AGO3: variants seen among roughly 807,000 people sequenced by gnomAD.
AGO3 encodes the protein argonaute RISC catalytic component 3.
A neutral mutation model predicts 105.5 loss-of-function variants in AGO3; 16 were observed. That is an observed-to-expected ratio of 0.15 (90% CI 0.10 to 0.23). AGO3 has a LOEUF of 0.23. Among genes scored for constraint, AGO3 ranks in the 10% least tolerant of loss-of-function variants. AGO3 has a pLI of 1.00. For synonymous variants in AGO3, 340 were observed against 367.3 expected (o/e 0.93, Z 0.85); for missense variants, 534 against 1,088.0 (o/e 0.49, Z 7.16).
chr1:36,023,437 A>T (rs1227527484), intron 11 of AGO3, among the ~76,000 whole-genome samples: 1 of 152,254 alleles, frequency 6.6e-6, no homozygotes, highest in Non-Finnish European at 1.5e-5. Context: ...TTCACAAATC[A>T]GGCAGCCCTT....
chr1:35,968,028 C>T (rs912007036), intron 3 of AGO3, among the ~76,000 whole-genome samples: 2 of 152,104 alleles, frequency 1.3e-5, no homozygotes, highest in Admixed American at 6.6e-5. Context: ...TTGTCTGATA[C>T]TTCCCCTTGA....
rs1028281289 is a variant in AGO3, at chr1:35,963,761, G to A, written c.192-3194G>A. Among the ~76,000 whole-genome samples, 3 of 152,096 alleles carry A rather than the reference G, an allele frequency of 2.0e-5. No homozygotes were observed. The South Asian group carries it at 6.2e-4, about 31-fold the overall frequency. The stretch of plus-strand genomic sequence containing the variant: ...CTTTTCTTTAGGATTGTGGTAATCG[G>A]GAATGGAAAGTAAAGGACTAGTATA... On this transcript the variant is annotated intron_variant, in intron 2 of 18. Coordinates refer to ENST00000373191, the MANE Select transcript of AGO3 (RefSeq NM_024852.4).
rs1201033390 is a variant in AGO3, at chr1:36,062,414, A to C, written c.*6669A>C. The C allele has an allele frequency of 6.6e-6, 1 of 152,192 alleles. No homozygotes were observed. Among genetic ancestry groups the C allele is most frequent in the Non-Finnish European group, 1.5e-5 (1 of 68,028 alleles). 9.4% of individuals were successfully genotyped at this position (152,192 alleles called of 1,614,324 possible). ...AGCTTAAGTGAGAAAGCAAAATGATAATCTCTATTGTTAGAGAAATTTTCT... is the reference window on the plus strand; with the variant it reads ...AGCTTAAGTGAGAAAGCAAAATGATCATCTCTATTGTTAGAGAAATTTTCT... On this transcript the variant is annotated 3_prime_UTR_variant, in exon 19 of 19. Coordinates refer to ENST00000373191, the MANE Select transcript of AGO3 (RefSeq NM_024852.4).
At chr1:36,029,463 C>T (rs1469540004) in intron 12 of AGO3, among the ~76,000 whole-genome samples, 8 of 144,830 alleles carry the variant, frequency 5.5e-5, no homozygotes, top group African/African-American at 7.7e-5. Context: ...GGTGCGATCT[C>T]GGCTCACTGC....
chr1:36,003,065 C>T (rs1015941524), intron 5 of AGO3, among the ~76,000 whole-genome samples: 12 of 151,290 alleles, frequency 7.9e-5, no homozygotes, highest in African/African-American at 2.4e-4. Context: ...AGTGAGACTC[C>T]GTCTAAAAAA....
At chr1:36,043,374 C>T in intron 16 of AGO3, 73 bp from the exon 17 acceptor site, 1 of 1,205,146 alleles carries the variant, frequency 8.3e-7, no homozygotes, top group Non-Finnish European at 1.2e-6. Context: ...TGTATTCATA[C>T]ATTTTTTAAA....
intron 5 of AGO3, among the ~76,000 whole-genome samples, chr1:35,987,941 A>G (rs1379012083): frequency 6.6e-6 from 1 of 151,226 alleles, no homozygotes; most frequent in Admixed American, 6.6e-5. Flanking sequence ...GGTGGCGCAC[A>G]CCTGTAATCC....
chr1:36,025,302 A>C (rs939841469), intron 11 of AGO3, among the ~76,000 whole-genome samples: 1 of 151,908 alleles, frequency 6.6e-6, no homozygotes, highest in Non-Finnish European at 1.5e-5. Flanking sequence ...ATGATCACTT[A>C]ATGTATTTTT....
chr1:36,048,009 C>T (rs1642549653), intron 17 of AGO3, among the ~76,000 whole-genome samples: 1 of 152,118 alleles, frequency 6.6e-6, no homozygotes, highest in Non-Finnish European at 1.5e-5. Context: ...ACATTGTAGT[C>T]AAATTGTCAA....
intron 5 of AGO3, among the ~76,000 whole-genome samples, chr1:36,001,588 G>C (rs1448157139): frequency 6.6e-6 from 1 of 152,124 alleles, no homozygotes; most frequent in Non-Finnish European, 1.5e-5. Context: ...AACATAGTGT[G>C]CAGCAATTAA....
In AGO3 at chr1:36,068,169, AATAG is replaced by A. The variant is rs1428510842; in HGVS notation, c.*12430_*12433del. ...TAAAAGAGGGGAAGGATAAAACAAAAATAGATAGAATGATGATTATTACAATGTA... is the reference window on the plus strand; with the variant it reads ...TAAAAGAGGGGAAGGATAAAACAAAAATAGAATGATGATTATTACAATGTA... On this transcript the variant is annotated 3_prime_UTR_variant, in exon 19 of 19. Coordinates refer to ENST00000373191, the MANE Select transcript of AGO3 (RefSeq NM_024852.4). 1.2e-4 allele frequency: 18 copies of A among 152,222 alleles called. No homozygotes were observed. Among genetic ancestry groups the A allele is most frequent in the African/African-American group, 2.9e-4 (12 of 41,470 alleles). 9.4% of individuals were successfully genotyped at this position (152,222 alleles called of 1,614,324 possible).
chr1:35,994,345 CATG>C (rs766689631), intron 5 of AGO3, among the ~76,000 whole-genome samples: 16 of 152,206 alleles, frequency 1.1e-4, no homozygotes, highest in Non-Finnish European at 2.4e-4. Context: ...TAAACATTCT[CATG>C]ATAAAAATTT....
At chr1:36,050,192 A>G (rs1367051218) in intron 17 of AGO3, among the ~76,000 whole-genome samples, 2 of 152,232 alleles carry the variant, frequency 1.3e-5, no homozygotes. Flanking sequence ...ACAAATTTAA[A>G]ATAATGGAGG....
At chr1:35,960,445 A>C (rs950521169) in intron 2 of AGO3, among the ~76,000 whole-genome samples, 80 of 152,164 alleles carry the variant, frequency 5.3e-4, no homozygotes, top group African/African-American at 1.9e-3. Context: ...ACATCACTGC[A>C]CTCAAGTCTG....
chr1:36,021,451 T>A (rs904171320), intron 11 of AGO3, among the ~76,000 whole-genome samples: 2 of 152,138 alleles, frequency 1.3e-5, no homozygotes, highest in African/African-American at 4.8e-5. Context: ...ATTTTCATAA[T>A]CTTATACAAT....
rs756227833 is a variant in AGO3 at position 36,034,199 on chromosome 1, A to C, written c.1617A>C (p.Thr539=). 6.3e-7 allele frequency: 1 copy of C among 1,587,118 alleles called. No individual in the cohort carries two copies. The highest frequency in any genetic ancestry group is 1.8e-5 in the Admixed American group (1 of 55,822). The stretch of plus-strand genomic sequence containing the variant: ...CGGAAGTGAAACGTGTAGGAGACAC[A>C]CTTTTGGGTATGGCTACACAATGTG... ...VYAEVKRVGD[T]LLGMATQCVQ... The change falls in exon 13 of 19, where the codon ACA becomes ACC. Residue 539 remains threonine (T), a synonymous_variant. Coordinates refer to ENST00000373191, the MANE Select transcript of AGO3 (RefSeq NM_024852.4).
intron 2 of AGO3, among the ~76,000 whole-genome samples, chr1:35,963,389 A>T: frequency 6.6e-6 from 1 of 151,682 alleles, no homozygotes; most frequent in Non-Finnish European, 1.5e-5. Context: ...TAATAAATAT[A>T]CCACAGCAAC....
intron 17 of AGO3, among the ~76,000 whole-genome samples, chr1:36,046,828 T>A (rs998339512): frequency 1.3e-5 from 2 of 152,092 alleles, no homozygotes; most frequent in African/African-American, 4.8e-5. Context: ...GCCCCATGCC[T>A]GAGCTGAACT....
At position 36,057,445 on chromosome 1, in the gene AGO3, AATTGT is replaced by A. The variant is rs1357212026; in HGVS notation, c.*1705_*1709del. 6.6e-6 allele frequency: 1 copy of A among 151,800 alleles called. No individual in the cohort carries two copies. Among genetic ancestry groups the A allele is most frequent in the Non-Finnish European group, 1.5e-5 (1 of 67,950 alleles). The allele number at this position is 151,800 out of a possible 1,614,324, so 9.4% of individuals were successfully genotyped here. ...TAGAATAGTGCTTTAATAATTATAG[AATTGT>A]ATTGGCAGCATCTTTTATAGAAATA... On this transcript the variant is annotated 3_prime_UTR_variant, in exon 19 of 19. Coordinates refer to ENST00000373191, the MANE Select transcript of AGO3 (RefSeq NM_024852.4).
Sources: gnomAD v4.1 joint callset for allele counts (sites outside exome capture counted in the v4.1 genomes callset) on GRCh38, gnomAD v4.1.1 for gene constraint, MANE v1.5 for transcripts, NCBI Gene and HGNC (gene_info 2026-07-23, HGNC 2026-07-21) for gene names.